NUTF2: variants seen among roughly 807,000 people sequenced by gnomAD.
The protein encoded by NUTF2 is placental protein 15.
A neutral mutation model predicts 18.5 loss-of-function variants in NUTF2; 3 were observed. The ratio of observed to expected loss-of-function variants is 0.16; its 90% confidence interval spans 0.07 to 0.42. The LOEUF is 0.42. NUTF2 is among the 10% of genes least tolerant of loss of function. The pLI is 0.99. For missense variants in NUTF2, 44 were observed against 160.7 expected (o/e 0.27, Z 3.93); for synonymous variants, 51 against 57.9 (o/e 0.88, Z 0.54).
intron 1 of NUTF2, among the ~76,000 whole-genome samples, chr16:67,855,054 G>A (rs1296767670): frequency 6.6e-6 from 1 of 151,970 alleles, no homozygotes; most frequent in East Asian, 1.9e-4. Context: ...ATTTGAGAAT[G>A]ATGTTTGTGT....
chr16:67,856,028 C>T (rs2057894220), intron 1 of NUTF2: 3 of 898,544 alleles, frequency 3.3e-6, no homozygotes, highest in East Asian at 4.9e-5. Flanking sequence ...TACTGTCTTG[C>T]TCAGGGGCCG....
chr16:67,869,763 C>T (rs1476355058), intron 4 of NUTF2, among the ~76,000 whole-genome samples: 2 of 152,262 alleles, frequency 1.3e-5, no homozygotes, highest in Non-Finnish European at 2.9e-5. Flanking sequence ...CTAGCCTGGG[C>T]AACAAGAGTG....
At position 67,865,163 on chromosome 16, in the gene NUTF2, A is replaced by G; in HGVS notation, c.33A>G (p.Gly11=). 1 of 1,612,842 alleles carries G rather than the reference A, an allele frequency of 6.2e-7. No individual in the cohort carries two copies. ...ACAAGCCAATTTGGGAGCAGATTGG[A>G]TCCAGCTTCATTCAACATTACTACC... MGDKPIWEQI[G]SSFIQHYYQL... The change falls in exon 2 of 5, where the codon GGA becomes GGG. Residue 11 remains glycine (G), a synonymous_variant. Coordinates refer to ENST00000219169, the MANE Select transcript of NUTF2 (RefSeq NM_005796.3).
intron 1 of NUTF2, chr16:67,847,959 C>G (rs1031078971): frequency 6.6e-6 from 1 of 152,228 alleles, no homozygotes; most frequent in Non-Finnish European, 1.5e-5. Flanking sequence ...CCTCCCGAAG[C>G]CTGGGTGGCA....
At chr16:67,870,260 A>C (rs1037562118) in intron 4 of NUTF2, 1 of 152,682 alleles carries the variant, frequency 6.5e-6, no homozygotes, top group African/African-American at 2.4e-5. Context: ...TGTTAGAGAC[A>C]GTGCTGGTTA....
intron 1 of NUTF2, among the ~76,000 whole-genome samples, chr16:67,856,691 A>G (rs1381850283): frequency 1.3e-4 from 19 of 150,708 alleles, no homozygotes; most frequent in Admixed American, 1.3e-3. Context: ...TGTATTTTTT[A>G]TAGGGATGGG....
intron 1 of NUTF2, among the ~76,000 whole-genome samples, chr16:67,859,993 T>C (rs2057924830): frequency 6.6e-6 from 1 of 151,360 alleles, no homozygotes; most frequent in Admixed American, 6.6e-5. Context: ...TTTTTCTTTT[T>C]TTTTGAGATG....
chr16:67,850,208 CT>C (rs1257563525), intron 1 of NUTF2, among the ~76,000 whole-genome samples: 275 of 144,000 alleles, frequency 1.9e-3, no homozygotes, highest in Admixed American at 1.8e-3. Flanking sequence ...CCTGTAACTT[CT>C]TTTTTTTTTT....
At chr16:67,852,243 G>T (rs1452821521) in intron 1 of NUTF2, among the ~76,000 whole-genome samples, 1 of 152,030 alleles carries the variant, frequency 6.6e-6, no homozygotes, top group Non-Finnish European at 1.5e-5. Flanking sequence ...TCAAGGAACC[G>T]TGAGCTATGA....
intron 1 of NUTF2, among the ~76,000 whole-genome samples, chr16:67,854,101 C>G (rs1169635296): frequency 6.6e-6 from 1 of 152,242 alleles, no homozygotes; most frequent in South Asian, 2.1e-4. Flanking sequence ...CAGGCACGCG[C>G]CACCACGCCC....
intron 1 of NUTF2, among the ~76,000 whole-genome samples, chr16:67,860,690 A>C (rs1364304977): frequency 2.6e-5 from 4 of 152,186 alleles, no homozygotes; most frequent in Non-Finnish European, 5.9e-5. Flanking sequence ...GAGGATAGCC[A>C]CGACTGGTAC....
At chr16:67,855,030 TG>T (rs2057885712) in intron 1 of NUTF2, among the ~76,000 whole-genome samples, 1 of 151,688 alleles carries the variant, frequency 6.6e-6, no homozygotes, top group Non-Finnish European at 1.5e-5. Flanking sequence ...TTTTAATTAA[TG>T]TTTTGATAGG....
At chr16:67,851,310 G>T (rs903245869) in intron 1 of NUTF2, among the ~76,000 whole-genome samples, 13 of 151,786 alleles carry the variant, frequency 8.6e-5, no homozygotes, top group South Asian at 8.3e-4. Context: ...GTGAAACTCT[G>T]TTTCTATTAA....
intron 1 of NUTF2, among the ~76,000 whole-genome samples, chr16:67,853,020 A>C (rs930854185): frequency 6.6e-6 from 1 of 152,242 alleles, no homozygotes; most frequent in East Asian, 1.9e-4. Context: ...CTTAGGGTAC[A>C]TCAGCAGCCT....
chr16:67,862,439 C>T (rs925132959), intron 1 of NUTF2, among the ~76,000 whole-genome samples: 1 of 152,176 alleles, frequency 6.6e-6, no homozygotes, highest in African/African-American at 2.4e-5. Flanking sequence ...TTACTCTTCC[C>T]CACTCTTCTC....
Position 67,851,681 on chromosome 16 carries a change from C to T in NUTF2, c.-30+4696C>T, listed in dbSNP as rs143383076. On this transcript the variant is annotated intron_variant, in intron 1 of 4. Transcript: ENST00000219169. Reference sequence around the variant, plus strand: ...GCTACCCCCGCCCCAGGACAGGCCCCGGTGTGTGATGTTTCCACCCTGGAG... The same window carrying T: ...GCTACCCCCGCCCCAGGACAGGCCCTGGTGTGTGATGTTTCCACCCTGGAG... Among the ~76,000 whole-genome samples, 1,173 of 151,992 alleles carry T rather than the reference C, an allele frequency of 7.7e-3. 8 individuals are homozygous for T. The highest frequency in any genetic ancestry group is 0.021 in the African/African-American group (889 of 41,464).
chr16:67,869,407 A>G (rs1349936350), intron 4 of NUTF2, among the ~76,000 whole-genome samples: 1 of 150,946 alleles, frequency 6.6e-6, no homozygotes, highest in Non-Finnish European at 1.5e-5. Context: ...CCTCCTTCTC[A>G]AGACCTATTA....
chr16:67,865,001 A>G lies in NUTF2; in HGVS notation c.-29-101A>G. On this transcript the variant is annotated intron_variant, in intron 1 of 4. Coordinates refer to ENST00000219169, the MANE Select transcript of NUTF2 (RefSeq NM_005796.3). The stretch of plus-strand genomic sequence containing the variant: ...CGTGTTCTCTGAGAGAACAGATCTC[A>G]GCAAAGGACTCCAGGAAGGCCAGTG... 5 of 635,010 alleles carry G rather than the reference A, an allele frequency of 7.9e-6. No individual in the cohort carries two copies. The Admixed American group carries it at 1.3e-4, about 16-fold the overall frequency. 39.3% of individuals were successfully genotyped at this position (635,010 alleles called of 1,614,324 possible). A position where few individuals can be genotyped will look rare whatever the true frequency, so the allele number is the denominator to read the frequency against.
At chr16:67,849,479 C>A (rs2057836231) in intron 1 of NUTF2, among the ~76,000 whole-genome samples, 1 of 151,344 alleles carries the variant, frequency 6.6e-6, no homozygotes, top group Non-Finnish European at 1.5e-5. Flanking sequence ...GTAGCTGGGA[C>A]TACAGGCGCA....
Sources: gnomAD v4.1 joint callset for allele counts (sites outside exome capture counted in the v4.1 genomes callset) on GRCh38, gnomAD v4.1.1 for gene constraint, MANE v1.5 for transcripts, NCBI Gene and HGNC (gene_info 2026-07-23, HGNC 2026-07-21) for gene names.